Variants in XIRP2 observed in about 807,000 individuals in gnomAD.
XIRP2 encodes the protein xin actin-binding repeat-containing protein 2.
A neutral mutation model predicts 277.0 loss-of-function variants in XIRP2; 236 were observed. The ratio of observed to expected loss-of-function variants is 0.85; its 90% CI spans 0.77 to 0.95. The LOEUF (loss-of-function observed/expected upper bound fraction) is 0.95, where lower values mean the gene tolerates loss of function less well. Among genes scored for constraint, XIRP2 ranks in the 40% least tolerant of loss-of-function variants. The pLI, the probability that XIRP2 is intolerant of heterozygous loss-of-function variation, is 0.00. For missense variants in XIRP2, 4,640 were observed against 4,157.5 expected (o/e 1.12, Z -3.19); for synonymous variants, 1,490 against 1,416.5 (o/e 1.05, Z -1.17).
chr2:167,234,217 C>A (rs1694837173), intron 5 of XIRP2, among the ~76,000 whole-genome samples: 1 of 151,368 alleles, frequency 6.6e-6, no homozygotes, highest in Admixed American at 6.6e-5. Context: ...CTCTTTCTAG[C>A]TAAATATTAC....
At position 167,243,779 on chromosome 2, in the gene XIRP2, C is replaced by A. The variant is rs1559038170; in HGVS notation, c.2387C>A (p.Ser796Tyr). 1 of 1,613,892 alleles carries A rather than the reference C, an allele frequency of 6.2e-7. No individual in the cohort carries two copies. Among genetic ancestry groups the A allele is most frequent in the Non-Finnish European group, 8.5e-7 (1 of 1,179,916 alleles). The stretch of plus-strand genomic sequence containing the variant: ...GAAATTAAAGTTGTCCGAGGAATAT[C>A]CATGGAAGAAAATGTCAAAGGTGGG... The part of the protein sequence containing the change: ...ITEIKVVRGI[S>Y]MEENVKGGVS... Residue 796 changes from serine (S) to tyrosine (Y), a missense_variant, in exon 9 of 11, where the codon TCC (serine) becomes TAC (tyrosine). Transcript: ENST00000409195.
chr2:167,129,613 G>T (rs1306181320), intron 2 of XIRP2, among the ~76,000 whole-genome samples: 1 of 152,050 alleles, frequency 6.6e-6, no homozygotes, highest in Non-Finnish European at 1.5e-5. Flanking sequence ...AAATTATCCT[G>T]TAATCCCAGC....
intron 2 of XIRP2, among the ~76,000 whole-genome samples, chr2:166,922,095 ATGTCTG>A (rs910700306): frequency 6.6e-6 from 1 of 152,158 alleles, no homozygotes; most frequent in Non-Finnish European, 1.5e-5. Flanking sequence ...GTAACAAGCT[ATGTCTG>A]TTAGCCTTCC....
Position 167,248,956 on chromosome 2 carries a change from C to T in XIRP2, c.7564C>T (p.His2522Tyr), listed in dbSNP as rs1695378143. The T allele has an allele frequency of 6.2e-7, 1 of 1,613,644 alleles. No homozygotes were observed. Among genetic ancestry groups the T allele is most frequent in the African/African-American group, 1.3e-5 (1 of 74,866 alleles). The change falls in exon 9 of 11, where the codon CAT becomes TAT. Residue 2522 changes from histidine to tyrosine, a missense_variant. Transcript: ENST00000409195. ...KKQIAPLIKS[H>Y]SFPESSGQQN... ...ACAGATTGCGCCTCTTATAAAATCT[C>T]ATTCATTTCCAGAGAGTTCAGGACA...
At position 167,007,679 on chromosome 2, in the gene XIRP2, ACTCTCT is replaced by A. The variant is rs145843756; in HGVS notation, c.408+103809_408+103814del. On this transcript the variant is annotated intron_variant, in intron 2 of 10. Coordinates refer to ENST00000409195, the MANE Select transcript of XIRP2 (RefSeq NM_152381.6). ...ATACATATATCTTACCCACATGTACACTCTCTCTCTCTCTCTCTCTCTCTCACACAC... is the reference window on the plus strand; with the variant it reads ...ATACATATATCTTACCCACATGTACACTCTCTCTCTCTCTCTCTCACACAC... Among the ~76,000 whole-genome samples the A allele has an allele frequency of 2.6e-3, 369 of 142,376 alleles. 3 individuals carry two copies. Among genetic ancestry groups the A allele is most frequent in the African/African-American group, 8.6e-3 (325 of 37,776 alleles). 93.4% of individuals were successfully genotyped at this position (142,376 alleles called of 152,430 possible). A position where few individuals can be genotyped will look rare whatever the true frequency, so the allele number is the denominator to read the frequency against.
At chr2:167,037,460 T>A (rs923240821) in intron 2 of XIRP2, among the ~76,000 whole-genome samples, 1 of 152,096 alleles carries the variant, frequency 6.6e-6, no homozygotes, top group Non-Finnish European at 1.5e-5. Flanking sequence ...CCTATCTCTG[T>A]AGTTTTGCTG....
At chr2:167,054,677 C>T (rs1256086377) in intron 2 of XIRP2, among the ~76,000 whole-genome samples, 2 of 130,230 alleles carry the variant, frequency 1.5e-5, no homozygotes, top group Non-Finnish European at 3.1e-5. Flanking sequence ...GAGTGAGACT[C>T]AGTCGCAAAA....
intron 2 of XIRP2, among the ~76,000 whole-genome samples, chr2:167,077,251 G>A (rs1433787053): frequency 6.6e-6 from 1 of 152,102 alleles, no homozygotes; most frequent in Non-Finnish European, 1.5e-5. Flanking sequence ...GTATTCAGGT[G>A]AGCTTTGTCA....
intron 2 of XIRP2, among the ~76,000 whole-genome samples, chr2:167,031,064 CCTTT>C (rs1688332115): frequency 1.3e-5 from 2 of 150,408 alleles, no homozygotes; most frequent in South Asian, 4.2e-4. Flanking sequence ...TTCTTCCATC[CCTTT>C]ATTTTGAGAT....
intron 5 of XIRP2, among the ~76,000 whole-genome samples, 171 bp downstream of exon 5, chr2:167,218,471 T>G (rs998005504): frequency 6.6e-6 from 1 of 152,242 alleles, no homozygotes; most frequent in Admixed American, 6.5e-5. Flanking sequence ...ATATATGTAT[T>G]TATTTACTTA....
At chr2:166,940,641 T>G (rs1410806313) in intron 2 of XIRP2, among the ~76,000 whole-genome samples, 1 of 152,226 alleles carries the variant, frequency 6.6e-6, no homozygotes, top group Non-Finnish European at 1.5e-5. Flanking sequence ...ATATCCTTTC[T>G]GTTTGTTAGT....
chr2:167,175,178 G>A (rs141271525), intron 3 of XIRP2, among the ~76,000 whole-genome samples: 431 of 152,080 alleles, frequency 2.8e-3, no homozygotes, highest in African/African-American at 9.4e-3. Context: ...ATTGACAGTG[G>A]GGTGCTAAAT....
intron 2 of XIRP2, among the ~76,000 whole-genome samples, chr2:167,087,513 G>A (rs1338996683): frequency 6.6e-6 from 1 of 152,216 alleles, no homozygotes; most frequent in East Asian, 1.9e-4. Context: ...AAGCAAGCCT[G>A]GGCAATGGCG....
Position 167,069,271 on chromosome 2 carries a change from A to G in XIRP2, c.409-66638A>G, listed in dbSNP as rs538096117. On this transcript the variant is annotated intron_variant, in intron 2 of 10. Coordinates refer to ENST00000409195, the MANE Select transcript of XIRP2 (RefSeq NM_152381.6). ...CACTGTGGAGCTTCTTTTTCTGAAT[A>G]TTTTTGATCTGCAGATGGTTGAATT... is the stretch of plus-strand genomic sequence containing the variant. Among the ~76,000 whole-genome samples, 208 of 152,202 alleles carry G rather than the reference A, an allele frequency of 1.4e-3. 1 individual carries two copies. Among genetic ancestry groups the G allele is most frequent in the African/African-American group, 4.6e-3 (190 of 41,530 alleles).
chr2:167,158,966 G>A (rs1025434892), intron 3 of XIRP2, among the ~76,000 whole-genome samples: 1 of 152,098 alleles, frequency 6.6e-6, no homozygotes, highest in African/African-American at 2.4e-5. Flanking sequence ...CACTACCTCT[G>A]GGGGGTAGGA....
chr2:166,970,719 G>T (rs189778840), intron 2 of XIRP2, among the ~76,000 whole-genome samples: 2 of 151,818 alleles, frequency 1.3e-5, no homozygotes, highest in African/African-American at 4.8e-5. Flanking sequence ...GCCTAGGGAA[G>T]ATTTCAGTTC....
At chr2:166,969,427 A>T (rs888562218) in intron 2 of XIRP2, among the ~76,000 whole-genome samples, 4 of 152,028 alleles carry the variant, frequency 2.6e-5, no homozygotes, top group Admixed American at 2.6e-4. Context: ...CAGCCTTTAA[A>T]TTTGATAAAT....
At chr2:167,141,398 C>A (rs911466609) in intron 3 of XIRP2, among the ~76,000 whole-genome samples, 2 of 151,952 alleles carry the variant, frequency 1.3e-5, no homozygotes, top group African/African-American at 4.8e-5. Flanking sequence ...AAATCCTGCC[C>A]ATGGAGCATA....
intron 5 of XIRP2, among the ~76,000 whole-genome samples, chr2:167,231,906 C>T (rs1038917501): frequency 6.6e-6 from 1 of 151,946 alleles, no homozygotes; most frequent in Non-Finnish European, 1.5e-5. Context: ...GGGCCGGTGG[C>T]AGCAACCAGA....
Sources: allele counts gnomAD v4.1 joint callset (sites outside exome capture counted in the v4.1 genomes callset), GRCh38; gene constraint gnomAD v4.1.1; transcripts MANE v1.5; gene names NCBI Gene and HGNC (gene_info 2026-07-23, HGNC 2026-07-21).